The following PPP1R9A variants were observed in gnomAD, a reference collection of about 807,000 sequenced individuals.
PPP1R9A encodes neurabin-1.
Under a neutral mutation model 141.9 loss-of-function variants are expected in PPP1R9A, and 59 were observed. That is an observed-to-expected ratio of 0.42 (90% CI 0.34 to 0.52). The LOEUF (loss-of-function observed/expected upper bound fraction) is 0.52. PPP1R9A is among the 20% of genes least tolerant of loss of function. The probability of loss-of-function intolerance (pLI) is 0.10; values close to 1 mark genes in which losing one functional copy is unlikely to be tolerated. For missense variants in PPP1R9A, 1,444 were observed against 1,611.9 expected (o/e 0.90, Z 1.78); for synonymous variants, 500 against 569.7 (o/e 0.88, Z 1.74).
intron 14 of PPP1R9A, among the ~76,000 whole-genome samples, chr7:95,270,375 T>C (rs1454976728): frequency 6.6e-6 from 1 of 152,136 alleles, no homozygotes; most frequent in Non-Finnish European, 1.5e-5. Flanking sequence ...CCATGTTTGA[T>C]TGCAGGCTTG....
intron 4 of PPP1R9A, among the ~76,000 whole-genome samples, chr7:95,125,542 G>A (rs984099411): frequency 1.3e-5 from 2 of 152,108 alleles, no homozygotes; most frequent in African/African-American, 4.8e-5. Context: ...ATTCCATAAA[G>A]CAAAATTAGT....
Position 95,291,060 on chromosome 7 carries a change from A to G in PPP1R9A, c.*757A>G, listed in dbSNP as rs1806288139. ...ATACGGCTGAACAAGAAAGAAAAAA[A>G]TCAGACATTAATGCAGCCATGGGAT... On this transcript the variant is annotated 3_prime_UTR_variant, in exon 20 of 20. Transcript: ENST00000433360. 1 of 152,234 alleles carries G rather than the reference A, an allele frequency of 6.6e-6. No individual in the cohort carries two copies. Among genetic ancestry groups the G allele is most frequent in the African/African-American group, 2.4e-5 (1 of 41,450 alleles). The allele number at this position is 152,234 out of a possible 1,614,324, so 9.4% of individuals were successfully genotyped here.
chr7:94,935,593 AATT>A (rs1794684675), intron 2 of PPP1R9A, among the ~76,000 whole-genome samples: 2 of 152,212 alleles, frequency 1.3e-5, no homozygotes, highest in Non-Finnish European at 2.9e-5. Context: ...GTTGGATAAA[AATT>A]ATTGTTGTAC....
intron 2 of PPP1R9A, among the ~76,000 whole-genome samples, chr7:94,954,770 A>G (rs1796887940): frequency 6.7e-6 from 1 of 149,930 alleles, no homozygotes; most frequent in Admixed American, 6.7e-5. Flanking sequence ...CTCCACTAGC[A>G]GGGAGCTTAG....
At position 95,203,156 on chromosome 7, in the gene PPP1R9A, A is replaced by G. The variant is rs559208130; in HGVS notation, c.1891-509A>G. Among the ~76,000 whole-genome samples the G allele has an allele frequency of 9.2e-5, 14 of 152,180 alleles. No individual in the cohort carries two copies. In the South Asian group the frequency reaches 2.9e-3, roughly 32 times the overall value. On this transcript the variant is annotated intron_variant, in intron 6 of 19. Transcript: ENST00000433360. ...ATTAATATCATTATAACAATATTATAGCAACTTTTTTTTTAGAATCTTTTA... is the reference window on the plus strand; with the variant it reads ...ATTAATATCATTATAACAATATTATGGCAACTTTTTTTTTAGAATCTTTTA...
intron 2 of PPP1R9A, among the ~76,000 whole-genome samples, chr7:95,072,653 T>C (rs1563196456): frequency 8.1e-6 from 1 of 123,386 alleles, no homozygotes; most frequent in African/African-American, 3.1e-5. Flanking sequence ...TAATATATTA[T>C]AAAATATATA....
chr7:95,078,104 A>G (rs11982528), intron 2 of PPP1R9A, among the ~76,000 whole-genome samples: 3,085 of 147,104 alleles, frequency 0.021, 117 homozygotes, highest in African/African-American at 0.073. Flanking sequence ...AGCATTAGGT[A>G]TATCTCCTAA....
intron 4 of PPP1R9A, among the ~76,000 whole-genome samples, chr7:95,126,299 G>C (rs1823549465): frequency 6.6e-6 from 1 of 152,046 alleles, no homozygotes; most frequent in Admixed American, 6.6e-5. Context: ...GTGTCAATAA[G>C]TAACTATCCA....
chr7:95,198,551 A>AT, intron 6 of PPP1R9A, 67 bp downstream of exon 6: 1 of 1,450,388 alleles, frequency 6.9e-7, no homozygotes, highest in Non-Finnish European at 9.2e-7. Flanking sequence ...TCTACTGTAT[A>AT]ACAGTATGAC....
At chr7:95,186,225 T>G (rs1296860522) in intron 5 of PPP1R9A, among the ~76,000 whole-genome samples, 2 of 151,992 alleles carry the variant, frequency 1.3e-5, no homozygotes, top group East Asian at 1.9e-4. Flanking sequence ...TAGTTTTCCT[T>G]GTAGAGATCT....
chr7:95,123,051 A>G (rs1822917153), intron 4 of PPP1R9A, among the ~76,000 whole-genome samples: 1 of 147,316 alleles, frequency 6.8e-6, no homozygotes, highest in Non-Finnish European at 1.5e-5. Context: ...AGATGTCCTG[A>G]AAAAAAAAAG....
At chr7:95,289,323 G>A (rs565782236) in intron 19 of PPP1R9A, among the ~76,000 whole-genome samples, 157 of 152,222 alleles carry the variant, frequency 1.0e-3, no homozygotes, top group African/African-American at 3.3e-3. Flanking sequence ...CCCCACCCCC[G>A]CCTCAGCCCC....
chr7:95,047,373 A>G (rs1225941124), intron 2 of PPP1R9A, among the ~76,000 whole-genome samples: 1 of 152,174 alleles, frequency 6.6e-6, no homozygotes, highest in Non-Finnish European at 1.5e-5. Context: ...GACAAAATCT[A>G]TCATTTTCTA....
chr7:95,137,404 G>T (rs1825846414), intron 4 of PPP1R9A, among the ~76,000 whole-genome samples: 1 of 111,818 alleles, frequency 8.9e-6, no homozygotes, highest in African/African-American at 3.9e-5. Flanking sequence ...TCCCTACAAA[G>T]GACATGAACT....
chr7:94,991,332 A>T (rs1801480867), intron 2 of PPP1R9A, among the ~76,000 whole-genome samples: 1 of 152,150 alleles, frequency 6.6e-6, no homozygotes, highest in Admixed American at 6.5e-5. Flanking sequence ...TTTTTTAGGG[A>T]AATGTCTGTT....
intron 8 of PPP1R9A, among the ~76,000 whole-genome samples, chr7:95,241,558 A>C (rs1283748061): frequency 6.6e-6 from 1 of 152,080 alleles, no homozygotes; most frequent in Non-Finnish European, 1.5e-5. Context: ...CTGGCAGTTT[A>C]ATGGAAGGTA....
At chr7:95,225,920 G>C (rs745594018) in intron 7 of PPP1R9A, 41 bp from the exon 8 acceptor site, 3 of 1,546,422 alleles carry the variant, frequency 1.9e-6, no homozygotes, top group Non-Finnish European at 2.6e-6. Flanking sequence ...CCTCCACCTG[G>C]GGTAAGGACA....
intron 4 of PPP1R9A, among the ~76,000 whole-genome samples, chr7:95,121,463 A>G (rs71562881): frequency 0.17 from 4,068 of 23,452 alleles, 183 homozygotes; most frequent in African/African-American, 0.31. Context: ...CTGTCTGTCT[A>G]TCTATCTATC....
intron 2 of PPP1R9A, among the ~76,000 whole-genome samples, chr7:94,952,442 G>A (rs1321583312): frequency 6.6e-6 from 1 of 152,132 alleles, no homozygotes; most frequent in Non-Finnish European, 1.5e-5. Flanking sequence ...ATAGTAGAAT[G>A]ATTTATAATA....
Sources: gnomAD v4.1 joint callset for allele counts (sites outside exome capture counted in the v4.1 genomes callset) on GRCh38, gnomAD v4.1.1 for gene constraint, MANE v1.5 for transcripts, NCBI Gene and HGNC (gene_info 2026-07-23, HGNC 2026-07-21) for gene names.